CACNG2: variants seen among roughly 807,000 people sequenced by gnomAD.
The protein encoded by CACNG2 is voltage-dependent calcium channel gamma-2 subunit.
CACNG2 carries 3 observed loss-of-function variants against 25.9 expected under a neutral mutation model. That is an observed-to-expected ratio of 0.12 (90% CI 0.05 to 0.30). CACNG2 has a LOEUF of 0.30. Among genes scored for constraint, CACNG2 ranks in the 10% least tolerant of loss-of-function variants. The pLI is 1.00. For synonymous variants in CACNG2, 167 were observed against 173.3 expected (o/e 0.96, Z 0.29); for missense variants, 341 against 432.5 (o/e 0.79, Z 1.88).
intron 1 of CACNG2, among the ~76,000 whole-genome samples, chr22:36,651,295 C>T (rs1936611867): frequency 1.7e-5 from 2 of 120,328 alleles, no homozygotes; most frequent in South Asian, 5.7e-4. Context: ...GTGATGCAAT[C>T]TCGGCTCACT....
intron 1 of CACNG2, among the ~76,000 whole-genome samples, chr22:36,664,574 C>T (rs929108831): frequency 3.3e-5 from 5 of 152,194 alleles, no homozygotes; most frequent in South Asian, 2.1e-4. Flanking sequence ...TGTCCAAGAC[C>T]TCACACTGGG....
At chr22:36,574,015 C>T (rs776020624) in intron 2 of CACNG2, among the ~76,000 whole-genome samples, 2 of 151,888 alleles carry the variant, frequency 1.3e-5, no homozygotes, top group African/African-American at 4.8e-5. Flanking sequence ...GTGGGGAGCA[C>T]TGAAGGGAGG....
At chr22:36,581,841 G>A (rs983538374) in intron 2 of CACNG2, among the ~76,000 whole-genome samples, 1 of 152,158 alleles carries the variant, frequency 6.6e-6, no homozygotes, top group African/African-American at 2.4e-5. Flanking sequence ...CCTGGCCTCA[G>A]GTCCATACCG....
chr22:36,591,377 G>A (rs1935590257), intron 1 of CACNG2, among the ~76,000 whole-genome samples: 1 of 152,170 alleles, frequency 6.6e-6, no homozygotes, highest in South Asian at 2.1e-4. Flanking sequence ...GAATGTTCTA[G>A]TAGAGAGGGA....
At chr22:36,643,722 C>T (rs151162136) in intron 1 of CACNG2, among the ~76,000 whole-genome samples, 4 of 152,318 alleles carry the variant, frequency 2.6e-5, no homozygotes, top group African/African-American at 7.2e-5. Context: ...AGAGAGGGAA[C>T]GTATGTCAGT....
At chr22:36,581,113 T>C (rs1013607792) in intron 2 of CACNG2, among the ~76,000 whole-genome samples, 2 of 152,144 alleles carry the variant, frequency 1.3e-5, no homozygotes, top group African/African-American at 4.8e-5. Context: ...GAAGAGGATA[T>C]GGAGGCTGCC....
rs1471705971 is a variant in CACNG2, at chr22:36,606,744, C to A, written c.212-19196G>T. The stretch of plus-strand genomic sequence containing the variant: ...TGTCATTTAGAGGACGGAAACCAGA[C>A]GGTTGGGCTGTGCGTGTGTGTGTGT... On this transcript the variant is annotated intron_variant, in intron 1 of 3. Transcript: ENST00000300105. This position sits in a 1 kb window ranked among gnomAD's most constrained non-coding sequence, Gnocchi z 5.7. 6.7e-6 allele frequency among the ~76,000 whole-genome samples: 1 copy of A among 148,974 alleles called. No homozygotes were observed. The highest frequency in any genetic ancestry group is 1.5e-5 in the Non-Finnish European group (1 of 67,194).
intron 1 of CACNG2, among the ~76,000 whole-genome samples, chr22:36,694,864 T>G (rs1266933059): frequency 6.6e-6 from 1 of 152,130 alleles, no homozygotes; most frequent in Non-Finnish European, 1.5e-5. Context: ...CATGGGTAGC[T>G]GAGAAGCCTA....
intron 2 of CACNG2, among the ~76,000 whole-genome samples, chr22:36,581,523 A>G (rs941512734): frequency 1.3e-5 from 2 of 152,164 alleles, no homozygotes; most frequent in Non-Finnish European, 2.9e-5. Context: ...CTGTCCAGCC[A>G]TGCTCTTCTG....
intron 1 of CACNG2, among the ~76,000 whole-genome samples, chr22:36,632,837 C>T (rs1036285153): frequency 2.0e-5 from 3 of 152,040 alleles, no homozygotes; most frequent in African/African-American, 4.8e-5. Context: ...CTCTAGCTAT[C>T]CTTACCCTTC....
chr22:36,651,534 T>G (rs1486079734), intron 1 of CACNG2, among the ~76,000 whole-genome samples: 2 of 152,058 alleles, frequency 1.3e-5, no homozygotes, highest in Admixed American at 6.6e-5. Flanking sequence ...TGGCCAATAA[T>G]TTCTTATTCT....
intron 1 of CACNG2, among the ~76,000 whole-genome samples, chr22:36,673,941 G>T (rs76415367): frequency 6.6e-6 from 1 of 152,196 alleles, no homozygotes; most frequent in Non-Finnish European, 1.5e-5. Context: ...AATTGAGGGC[G>T]GCCGGGGTGA....
rs1369776916 is a variant in CACNG2, at chr22:36,642,540, TTAC to T, written c.212-54995_212-54993del. Among the ~76,000 whole-genome samples the T allele has an allele frequency of 2.6e-5, 4 of 152,334 alleles. No homozygotes were observed. In the East Asian group the frequency reaches 7.7e-4, roughly 29 times the overall value. On this transcript the variant is annotated intron_variant, in intron 1 of 3. Coordinates refer to ENST00000300105, the MANE Select transcript of CACNG2 (RefSeq NM_006078.5). ...GGGCATGTTTCTGCTGCAACTAATT[TTAC>T]TACTGTTGTTTCTATTGCATCAGTA...
At chr22:36,648,718 C>T (rs1055779222) in intron 1 of CACNG2, among the ~76,000 whole-genome samples, 69 of 152,326 alleles carry the variant, frequency 4.5e-4, no homozygotes, top group African/African-American at 1.6e-3. Context: ...TCTCAGTAAA[C>T]GGCCCTGCCA....
rs79965984 is a variant in CACNG2, at chr22:36,570,301, A to G, written c.296-3808T>C. Among the ~76,000 whole-genome samples, 354 of 152,364 alleles carry G rather than the reference A, an allele frequency of 2.3e-3. 4 individuals carry two copies. The highest frequency in any genetic ancestry group is 8.2e-3 in the African/African-American group (340 of 41,584). Reference sequence around the variant, plus strand: ...AGGGGTCTGCTGTGTTGCAGCCAGCAAAGAGCAATGTGGAGGAATCAGAAC... The same window carrying G: ...AGGGGTCTGCTGTGTTGCAGCCAGCGAAGAGCAATGTGGAGGAATCAGAAC... On this transcript the variant is annotated intron_variant, in intron 2 of 3. Coordinates refer to ENST00000300105, the MANE Select transcript of CACNG2 (RefSeq NM_006078.5).
chr22:36,610,798 C>T (rs1183161512), intron 1 of CACNG2, among the ~76,000 whole-genome samples: 1 of 152,184 alleles, frequency 6.6e-6, no homozygotes, highest in Admixed American at 6.5e-5. Context: ...GAGTTGGTTG[C>T]ACCAGTTGTT....
Position 36,610,718 on chromosome 22 carries a change from A to G in CACNG2, c.212-23170T>C, listed in dbSNP as rs183234202. 8.5e-4 allele frequency among the ~76,000 whole-genome samples: 129 copies of G among 152,278 alleles called. 1 individual carries two copies. Among genetic ancestry groups the G allele is most frequent in the African/African-American group, 2.7e-3 (114 of 41,558 alleles). ...CCAGGAGGAATGGGGCTTCCATGGGACAAGGAAAGTTACTGAGAGAAGTTG... is the reference window on the plus strand; with the variant it reads ...CCAGGAGGAATGGGGCTTCCATGGGGCAAGGAAAGTTACTGAGAGAAGTTG... On this transcript the variant is annotated intron_variant, in intron 1 of 3. Transcript: ENST00000300105.
chr22:36,568,916 C>G (rs1408262454), intron 2 of CACNG2, among the ~76,000 whole-genome samples: 2 of 152,138 alleles, frequency 1.3e-5, no homozygotes, highest in South Asian at 4.1e-4. Flanking sequence ...GCAGCCTCAG[C>G]ACCCTCCTTC....
At chr22:36,614,162 C>A (rs1013996062) in intron 1 of CACNG2, among the ~76,000 whole-genome samples, 1 of 152,102 alleles carries the variant, frequency 6.6e-6, no homozygotes, top group Non-Finnish European at 1.5e-5. Flanking sequence ...CACCACAATT[C>A]GACAGCTGCT....
Sources: allele counts gnomAD v4.1 joint callset (sites outside exome capture counted in the v4.1 genomes callset), GRCh38; gene constraint gnomAD v4.1.1; non-coding constraint Gnocchi (gnomAD v3.1); transcripts MANE v1.5; gene names NCBI Gene and HGNC (gene_info 2026-07-23, HGNC 2026-07-21).